The following HTR4 variants were observed in gnomAD, a reference collection of about 807,000 sequenced individuals.
The protein encoded by HTR4 is 5-hydroxytryptamine (serotonin) receptor 4, G protein-coupled.
HTR4 carries 16 observed loss-of-function variants against 36.8 expected under a neutral mutation model. The observed-to-expected ratio is 0.43, with a 90% CI of 0.29 to 0.66. The LOEUF is 0.66. HTR4 is among the 30% of genes least tolerant of loss of function. The pLI is 0.13. For missense variants in HTR4, 438 were observed against 490.9 expected, an observed-to-expected ratio of 0.89 and a Z score of 1.02; for synonymous variants, 189 against 185.1, an observed-to-expected ratio of 1.02 and a Z score of -0.17.
intron 5 of HTR4, among the ~76,000 whole-genome samples, chr5:148,469,789 A>T (rs774656390): frequency 9.9e-5 from 15 of 152,190 alleles, no homozygotes; most frequent in Non-Finnish European, 1.8e-4. Flanking sequence ...ATTTGGAGAA[A>T]ACTAACAAAC....
intron 2 of HTR4, among the ~76,000 whole-genome samples, chr5:148,618,300 TC>T (rs897702081): frequency 3.9e-5 from 6 of 152,196 alleles, no homozygotes; most frequent in Non-Finnish European, 7.3e-5. Context: ...CAGGGTTCTA[TC>T]CGCAAGGATA....
At chr5:148,604,810 C>A (rs2127272787) in intron 2 of HTR4, among the ~76,000 whole-genome samples, 1 of 152,266 alleles carries the variant, frequency 6.6e-6, no homozygotes, top group East Asian at 1.9e-4. Context: ...TGGTAATTAC[C>A]TTTGCAGGGT....
chr5:148,627,341 G>T (rs1001725500), intron 2 of HTR4, among the ~76,000 whole-genome samples: 4 of 137,644 alleles, frequency 2.9e-5, no homozygotes, highest in Non-Finnish European at 6.7e-5. Context: ...GAAGTTTGTC[G>T]ATTTTTTTAA....
intron 2 of HTR4, among the ~76,000 whole-genome samples, chr5:148,609,022 C>A (rs1581539153): frequency 6.6e-6 from 1 of 152,076 alleles, no homozygotes; most frequent in East Asian, 1.9e-4. Context: ...CACTTAGGAT[C>A]CTTTTCAAGT....
chr5:148,578,647 A>C (rs1761018724), intron 2 of HTR4, among the ~76,000 whole-genome samples: 1 of 152,080 alleles, frequency 6.6e-6, no homozygotes, highest in Admixed American at 6.6e-5. Flanking sequence ...TGAATTCTTC[A>C]AATCCTGGAG....
intron 5 of HTR4, among the ~76,000 whole-genome samples, chr5:148,462,346 A>G (rs553236702): frequency 1.3e-5 from 2 of 152,168 alleles, no homozygotes; most frequent in East Asian, 3.9e-4. Flanking sequence ...ATCACTATAG[A>G]CACCATGGGC....
chr5:148,566,756 T>C (rs1760457782), intron 2 of HTR4, among the ~76,000 whole-genome samples: 1 of 152,130 alleles, frequency 6.6e-6, no homozygotes, highest in Non-Finnish European at 1.5e-5. Flanking sequence ...AGGTAAATGA[T>C]ACATACATGG....
chr5:148,540,241 G>A (rs1403102479), intron 4 of HTR4, among the ~76,000 whole-genome samples: 1 of 151,356 alleles, frequency 6.6e-6, no homozygotes, highest in Non-Finnish European at 1.5e-5. Flanking sequence ...TGGGAGGAGG[G>A]AGAGGAGTAG....
At chr5:148,622,239 T>C (rs1209299046) in intron 2 of HTR4, among the ~76,000 whole-genome samples, 1 of 152,206 alleles carries the variant, frequency 6.6e-6, no homozygotes, top group African/African-American at 2.4e-5. Context: ...GATTACTCAT[T>C]GCTATGGTCT....
At chr5:148,570,770 G>T (rs1313345353) in intron 2 of HTR4, among the ~76,000 whole-genome samples, 2 of 152,082 alleles carry the variant, frequency 1.3e-5, no homozygotes, top group African/African-American at 4.8e-5. Context: ...TTTGCATTTT[G>T]ACCTATCTGG....
chr5:148,522,584 C>A (rs900602806), intron 5 of HTR4, among the ~76,000 whole-genome samples: 3 of 152,130 alleles, frequency 2.0e-5, no homozygotes, highest in African/African-American at 7.2e-5. Flanking sequence ...TTATTCATGA[C>A]ATTTGTTAAA....
At chr5:148,507,026 A>G (rs1308779601) in intron 6 of HTR4, among the ~76,000 whole-genome samples, 1 of 152,192 alleles carries the variant, frequency 6.6e-6, no homozygotes, top group Admixed American at 6.5e-5. Flanking sequence ...GTTACTGGGT[A>G]TATACCCAAA....
At chr5:148,517,929 A>G (rs1166110486) in intron 5 of HTR4, among the ~76,000 whole-genome samples, 3 of 152,028 alleles carry the variant, frequency 2.0e-5, no homozygotes, top group Non-Finnish European at 4.4e-5. Context: ...TCTTTCTCCT[A>G]TATATTTTTT....
intron 2 of HTR4, among the ~76,000 whole-genome samples, chr5:148,584,106 A>T (rs1301757258): frequency 6.6e-6 from 1 of 152,176 alleles, no homozygotes; most frequent in Non-Finnish European, 1.5e-5. Context: ...AATTCTTATA[A>T]CAGCATATAA....
At chr5:148,544,011 T>C (rs1276947582) in intron 4 of HTR4, among the ~76,000 whole-genome samples, 1 of 152,178 alleles carries the variant, frequency 6.6e-6, no homozygotes, top group African/African-American at 2.4e-5. Context: ...TAGCAACATT[T>C]TCAGTTAAAA....
At chr5:148,562,879 A>G (rs1157796609) in intron 2 of HTR4, among the ~76,000 whole-genome samples, 3 of 152,214 alleles carry the variant, frequency 2.0e-5, no homozygotes, top group East Asian at 1.9e-4. Context: ...CAGCCATTCA[A>G]TGTCATACCA....
At position 148,509,743 on chromosome 5, in the gene HTR4, G is replaced by GATGC. The variant is rs1392354832; in HGVS notation, c.785_788dup (p.Ile263MetfsTer56). ...AGCAGAGGCAGAAGCAACCCATGAT[G>GATGC]ATGCACAGGGTCTTGGCTGCTTTGG... is the stretch of plus-strand genomic sequence containing the variant. On this transcript the variant is annotated frameshift_variant, in exon 6 of 7. Coordinates refer to ENST00000377888, the MANE Select transcript of HTR4 (RefSeq NM_000870.7). LOFTEE classifies it high-confidence loss of function. The GATGC allele has an allele frequency of 6.2e-7, 1 of 1,614,096 alleles. No homozygotes were observed. The highest frequency in any genetic ancestry group is 8.5e-7 in the Non-Finnish European group (1 of 1,180,012).
At chr5:148,470,758 A>G (rs924955216) in intron 5 of HTR4, among the ~76,000 whole-genome samples, 3 of 152,104 alleles carry the variant, frequency 2.0e-5, no homozygotes, top group Non-Finnish European at 4.4e-5. Flanking sequence ...GCAAAATCTC[A>G]GCTCACTGCA....
At chr5:148,558,649 A>T (rs1362965587) in intron 2 of HTR4, among the ~76,000 whole-genome samples, 1 of 152,204 alleles carries the variant, frequency 6.6e-6, no homozygotes, top group Non-Finnish European at 1.5e-5. Context: ...TCGTGAAGAT[A>T]TGAGAAAGTT....
Sources: gnomAD v4.1 joint callset for allele counts (sites outside exome capture counted in the v4.1 genomes callset) on GRCh38, gnomAD v4.1.1 for gene constraint, MANE v1.5 for transcripts, NCBI Gene and HGNC (gene_info 2026-07-23, HGNC 2026-07-21) for gene names.